Variants in C12orf54 observed in about 807,000 individuals in gnomAD.
C12orf54 encodes chromosome 12 open reading frame 54.
In C12orf54, 24 loss-of-function variants were observed where a neutral mutation model predicts 26.4. The ratio of observed to expected loss-of-function variants is 0.91; its 90% CI spans 0.66 to 1.28. The LOEUF (loss-of-function observed/expected upper bound fraction) is 1.28, where lower values mean the gene tolerates loss of function less well. Ranked by LOEUF, C12orf54 falls within the 50% of genes most tolerant of loss-of-function variation. The pLI, the probability that C12orf54 is intolerant of heterozygous loss-of-function variation, is 0.00. For synonymous variants in C12orf54, 54 were observed against 47.0 expected (o/e 1.15, Z -0.61); for missense variants, 154 against 150.9 (o/e 1.02, Z -0.11).
At chr12:48,436,519 C>T in the C12orf54 span, among the ~76,000 whole-genome samples, 6 of 152,162 alleles carry the variant, frequency 3.9e-5, no homozygotes, top group South Asian at 2.1e-4. Flanking sequence ...GTAAAGCACT[C>T]CTCAGCAAAT....
the C12orf54 span, among the ~76,000 whole-genome samples, chr12:48,464,020 C>T: frequency 6.6e-6 from 1 of 151,584 alleles, no homozygotes; most frequent in Non-Finnish European, 1.5e-5. Context: ...TGAAAACAGG[C>T]ACAAGGATAC....
At chr12:48,460,513 C>A in the C12orf54 span, among the ~76,000 whole-genome samples, 4 of 152,078 alleles carry the variant, frequency 2.6e-5, no homozygotes, top group Non-Finnish European at 5.9e-5. Flanking sequence ...AAGAGCCCCA[C>A]ACATGATACT....
At chr12:48,477,061 GC>G in the C12orf54 span, among the ~76,000 whole-genome samples, 2 of 152,162 alleles carry the variant, frequency 1.3e-5, no homozygotes, top group South Asian at 4.1e-4. Context: ...AGACCACAGT[GC>G]AATCAAACTA....
the C12orf54 span, among the ~76,000 whole-genome samples, chr12:48,440,098 G>A: frequency 2.0e-5 from 3 of 151,884 alleles, no homozygotes; most frequent in East Asian, 1.9e-4. Context: ...GGTGACAGGC[G>A]CCTGTAATCC....
At chr12:48,414,865 A>G in the C12orf54 span, among the ~76,000 whole-genome samples, 1 of 152,090 alleles carries the variant, frequency 6.6e-6, no homozygotes, top group African/African-American at 2.4e-5. Context: ...GTTTGGCAGG[A>G]CCTGATCTTC....
upstream of C12orf54, among the ~76,000 whole-genome samples, chr12:48,481,849 G>C (rs1954202903): frequency 6.6e-6 from 1 of 152,106 alleles, no homozygotes; most frequent in African/African-American, 2.4e-5. Context: ...TGCTCTCTCT[G>C]AGGCTGCTCC....
the C12orf54 span, among the ~76,000 whole-genome samples, chr12:48,444,955 G>A: frequency 2.0e-5 from 3 of 152,222 alleles, no homozygotes; most frequent in East Asian, 5.8e-4. Context: ...GGCGGATCAC[G>A]AGGTCAGGAG....
chr12:48,418,323 A>C, the C12orf54 span, among the ~76,000 whole-genome samples: 1 of 152,190 alleles, frequency 6.6e-6, no homozygotes, highest in Non-Finnish European at 1.5e-5. Flanking sequence ...GTCATCAATA[A>C]GCGTGTGCTA....
At chr12:48,491,166 T>A (rs528320002) in intron 6 of C12orf54, among the ~76,000 whole-genome samples, 1 of 152,328 alleles carries the variant, frequency 6.6e-6, no homozygotes, top group East Asian at 1.9e-4. Context: ...TAATTTATAA[T>A]CAACAGAAAT....
the C12orf54 span, among the ~76,000 whole-genome samples, chr12:48,414,568 A>G: frequency 1.4e-3 from 215 of 152,246 alleles, no homozygotes; most frequent in African/African-American, 4.8e-3. Flanking sequence ...GGTTCAGAGG[A>G]TGGCTCCTAG....
the C12orf54 span, among the ~76,000 whole-genome samples, chr12:48,468,514 A>G: frequency 2.0e-5 from 3 of 152,216 alleles, no homozygotes; most frequent in Non-Finnish European, 4.4e-5. Context: ...ATTTTACAAG[A>G]GACACATTTT....
chr12:48,475,473 T>C, the C12orf54 span, among the ~76,000 whole-genome samples: 1 of 151,796 alleles, frequency 6.6e-6, no homozygotes, highest in Non-Finnish European at 1.5e-5. Flanking sequence ...CTTGAACCAA[T>C]GGCAAAGAAG....
chr12:48,489,623 C>G (rs188122959), intron 5 of C12orf54, among the ~76,000 whole-genome samples: 3 of 152,104 alleles, frequency 2.0e-5, no homozygotes, highest in Non-Finnish European at 2.9e-5. Context: ...CGCCATGTTG[C>G]CCACGTTGGT....
In C12orf54 at chr12:48,486,431, C is replaced by T. The variant is rs559027208; in HGVS notation, c.96+223C>T. 109 of 623,178 alleles carry T rather than the reference C, an allele frequency of 1.7e-4. 2 individuals are homozygous for T. The Middle Eastern group carries it at 0.01, about 60-fold the overall frequency. 38.6% of individuals were successfully genotyped at this position (623,178 alleles called of 1,614,324 possible). ...CTAAAGGGGCAGGCAGGCTTACAGG[C>T]ATTGAAAAGATGGTAAACAAATGAG... On this transcript the variant is annotated intron_variant, in intron 3 of 8. Coordinates refer to ENST00000548364, the MANE Select transcript of C12orf54 (RefSeq NM_152319.4).
intron 5 of C12orf54, among the ~76,000 whole-genome samples, chr12:48,489,528 T>C (rs2731097): frequency 0.55 from 82,784 of 151,716 alleles, 24,365 homozygotes; most frequent in East Asian, 0.82. Context: ...CGGGTTCAAG[T>C]GAATCTCCTC....
At chr12:48,452,741 CAT>C in the C12orf54 span, among the ~76,000 whole-genome samples, 3 of 152,204 alleles carry the variant, frequency 2.0e-5, no homozygotes, top group South Asian at 2.1e-4. Context: ...GATGAACAAA[CAT>C]ATGAAAAAAA....
At chr12:48,432,349 C>G in the C12orf54 span, among the ~76,000 whole-genome samples, 2 of 152,070 alleles carry the variant, frequency 1.3e-5, no homozygotes, top group African/African-American at 2.4e-5. Flanking sequence ...AATCTCACAC[C>G]AATTCTTAGC....
At chr12:48,465,631 C>T in the C12orf54 span, among the ~76,000 whole-genome samples, 1 of 152,054 alleles carries the variant, frequency 6.6e-6, no homozygotes, top group Non-Finnish European at 1.5e-5. Flanking sequence ...CATTGCATCA[C>T]TATTCAAAAT....
At chr12:48,458,808 G>A in the C12orf54 span, among the ~76,000 whole-genome samples, 3 of 151,318 alleles carry the variant, frequency 2.0e-5, no homozygotes, top group Non-Finnish European at 4.4e-5. Flanking sequence ...AGACTGAAAC[G>A]ATTAAGCATG....
Sources: gnomAD v4.1 joint callset for allele counts (sites outside exome capture counted in the v4.1 genomes callset) on GRCh38, gnomAD v4.1.1 for gene constraint, MANE v1.5 for transcripts, NCBI Gene and HGNC (gene_info 2026-07-23, HGNC 2026-07-21) for gene names.